Variants in DLGAP2 observed in about 807,000 individuals in gnomAD.
The protein encoded by DLGAP2 is DLG associated protein 2.
In DLGAP2, 26 loss-of-function variants were observed where a neutral mutation model predicts 100.3. The observed-to-expected ratio is 0.26, with a 90% CI of 0.19 to 0.36. The LOEUF (loss-of-function observed/expected upper bound fraction) is 0.36. DLGAP2 is among the 10% of genes least tolerant of loss of function. The probability of loss-of-function intolerance (pLI) is 1.00; values close to 1 mark genes in which losing one functional copy is unlikely to be tolerated. For missense variants in DLGAP2, 1,858 were observed against 1,453.2 expected (o/e 1.28, Z -4.53); for synonymous variants, 886 against 630.1 (o/e 1.41, Z -6.08).
intron 8 of DLGAP2, among the ~76,000 whole-genome samples, chr8:1,645,321 G>A (rs1482237095): frequency 1.3e-5 from 2 of 152,144 alleles, no homozygotes; most frequent in Non-Finnish European, 1.5e-5. Flanking sequence ...CCATGAATTC[G>A]AGGAGATAGT....
chr8:769,511 T>G (rs1186221071), intron 1 of DLGAP2, among the ~76,000 whole-genome samples: 1 of 152,172 alleles, frequency 6.6e-6, no homozygotes, highest in Non-Finnish European at 1.5e-5. Context: ...CTTTTAGTGT[T>G]GCTCCTTTTT....
chr8:1,507,301 C>T (rs1584965231), intron 4 of DLGAP2, among the ~76,000 whole-genome samples: 1 of 152,142 alleles, frequency 6.6e-6, no homozygotes, highest in African/African-American at 2.4e-5. Context: ...CCCTGTCCCA[C>T]GGGGAGGCAG....
chr8:1,098,137 T>C (rs1804450199), intron 2 of DLGAP2, among the ~76,000 whole-genome samples: 1 of 152,188 alleles, frequency 6.6e-6, no homozygotes, highest in African/African-American at 2.4e-5. Flanking sequence ...TGGACACACG[T>C]CCCTCCCCAA....
chr8:990,425 TG>T (rs1563131952), intron 2 of DLGAP2, among the ~76,000 whole-genome samples: 19 of 43,624 alleles, frequency 4.4e-4, no homozygotes, highest in East Asian at 1.1e-3. Flanking sequence ...CCAGACCCCC[TG>T]CACCCCCATA....
intron 3 of DLGAP2, among the ~76,000 whole-genome samples, chr8:1,292,815 G>A (rs964817884): frequency 6.6e-6 from 1 of 151,912 alleles, no homozygotes; most frequent in Non-Finnish European, 1.5e-5. Context: ...CCTTCCCAAG[G>A]TCTTTCATTT....
intron 6 of DLGAP2, among the ~76,000 whole-genome samples, chr8:1,617,304 C>G (rs966882322): frequency 6.6e-6 from 1 of 152,222 alleles, no homozygotes; most frequent in Non-Finnish European, 1.5e-5. Context: ...ATTTGCCACT[C>G]TGCTTTCCCC....
chr8:1,326,758 T>C (rs917199455), intron 3 of DLGAP2, among the ~76,000 whole-genome samples: 1 of 152,248 alleles, frequency 6.6e-6, no homozygotes, highest in Non-Finnish European at 1.5e-5. Context: ...TTTTTCCAAC[T>C]GGAGAGACTA....
intron 3 of DLGAP2, among the ~76,000 whole-genome samples, chr8:1,317,164 T>G (rs1800774782): frequency 7.4e-6 from 1 of 134,314 alleles, no homozygotes; most frequent in Admixed American, 7.8e-5. Context: ...CTCGGCAGCT[T>G]TAAAAATAGA....
At position 1,414,896 on chromosome 8, in the gene DLGAP2, CT is replaced by C. The variant is rs1044791169; in HGVS notation, c.107-86469del. Among the ~76,000 whole-genome samples the C allele has an allele frequency of 1.4e-4, 21 of 152,248 alleles. 1 individual carries two copies. Among genetic ancestry groups the C allele is most frequent in the African/African-American group, 5.1e-4 (21 of 41,536 alleles). ...TGGTGGCAGGCATCTGTAATCCCAG[CT>C]GCTTGGGAGGCTGAGGCAGGGGAAT... On this transcript the variant is annotated intron_variant, in intron 3 of 14. Transcript: ENST00000637795.
chr8:1,155,129 G>C lies in DLGAP2; in HGVS notation c.74-103722G>C, dbSNP rs530843598. Among the ~76,000 whole-genome samples, 237 of 152,306 alleles carry C rather than the reference G, an allele frequency of 1.6e-3. 1 individual carries two copies. The highest frequency in any genetic ancestry group is 5.5e-3 in the African/African-American group (230 of 41,582). On this transcript the variant is annotated intron_variant, in intron 2 of 14. Transcript: ENST00000637795. Reference sequence around the variant, plus strand: ...ACCCTGCCTGGGTCCCGTCCCCTGGGTATCCCTGGGGCAGCGGCTGGCCGG... The same window carrying C: ...ACCCTGCCTGGGTCCCGTCCCCTGGCTATCCCTGGGGCAGCGGCTGGCCGG...
chr8:1,523,124 C>T (rs77454294), intron 4 of DLGAP2, among the ~76,000 whole-genome samples: 2,241 of 152,320 alleles, frequency 0.015, 70 homozygotes, highest in African/African-American at 0.051. Flanking sequence ...GGAGCTTTCA[C>T]GCCACGCGTA....
chr8:930,129 C>T (rs1398853579), intron 2 of DLGAP2, among the ~76,000 whole-genome samples: 3 of 152,134 alleles, frequency 2.0e-5, no homozygotes, highest in African/African-American at 7.2e-5. Flanking sequence ...GACCTGGCGA[C>T]CCTGGCCTCT....
At chr8:1,029,786 CAAA>C (rs1801923666) in intron 2 of DLGAP2, among the ~76,000 whole-genome samples, 1 of 152,052 alleles carries the variant, frequency 6.6e-6, no homozygotes, top group Non-Finnish European at 1.5e-5. Flanking sequence ...CCATGAGCAC[CAAA>C]AATGCGTCCT....
chr8:1,445,801 A>G (rs1238838723), intron 3 of DLGAP2, among the ~76,000 whole-genome samples: 4 of 152,168 alleles, frequency 2.6e-5, no homozygotes, highest in Non-Finnish European at 5.9e-5. Flanking sequence ...GTGAGATGGT[A>G]TCTCACTGTG....
chr8:1,324,948 G>A (rs990987274), intron 3 of DLGAP2, among the ~76,000 whole-genome samples: 1 of 152,150 alleles, frequency 6.6e-6, no homozygotes, highest in African/African-American at 2.4e-5. Context: ...GCCTTGCCCT[G>A]GAGGCAGACT....
intron 2 of DLGAP2, among the ~76,000 whole-genome samples, chr8:913,009 C>T (rs917168937): frequency 1.3e-5 from 2 of 152,210 alleles, no homozygotes; most frequent in Non-Finnish European, 2.9e-5. Context: ...TGTGCATTGG[C>T]AAAATGAAAT....
intron 3 of DLGAP2, among the ~76,000 whole-genome samples, chr8:1,293,343 T>G (rs1435132419): frequency 6.6e-6 from 1 of 151,744 alleles, no homozygotes. Context: ...GAGCCATGGC[T>G]CCTTCCCTGT....
In DLGAP2 at chr8:872,416, C is replaced by G. The variant is rs372582765; in HGVS notation, c.19-35496C>G. Among the ~76,000 whole-genome samples, 7 of 151,200 alleles carry G rather than the reference C, an allele frequency of 4.6e-5. No homozygotes were observed. The South Asian group carries it at 6.3e-4, about 14-fold the overall frequency. ...CGGCGCGATCTCGGCTCACAGCAACCTCTGCCTCCCGGGTTCAAGCAACTG... is the reference window on the plus strand; with the variant it reads ...CGGCGCGATCTCGGCTCACAGCAACGTCTGCCTCCCGGGTTCAAGCAACTG... On this transcript the variant is annotated intron_variant, in intron 1 of 14. Coordinates refer to ENST00000637795, the MANE Select transcript of DLGAP2 (RefSeq NM_001346810.2).
At chr8:916,288 C>A (rs1489380828) in intron 2 of DLGAP2, among the ~76,000 whole-genome samples, 2 of 152,180 alleles carry the variant, frequency 1.3e-5, no homozygotes, top group Non-Finnish European at 1.5e-5. Context: ...TGATGTCACT[C>A]ATGAAACCAT....
Sources: gnomAD v4.1 joint callset for allele counts (sites outside exome capture counted in the v4.1 genomes callset) on GRCh38, gnomAD v4.1.1 for gene constraint, MANE v1.5 for transcripts, NCBI Gene and HGNC (gene_info 2026-07-23, HGNC 2026-07-21) for gene names.